Variants in GPC5 observed in about 807,000 individuals in gnomAD.
GPC5 encodes glypican 5.
GPC5 carries 47 observed loss-of-function variants against 53.9 expected under a neutral mutation model. That is an observed-to-expected ratio of 0.87 (90% confidence interval 0.69 to 1.11). GPC5 has a LOEUF of 1.11. GPC5 is among the 50% of genes most tolerant of loss of function. The pLI is 0.00. For synonymous variants in GPC5, 286 were observed against 263.3 expected, an observed-to-expected ratio of 1.09 and a Z score of -0.84; for missense variants, 748 against 713.1, an observed-to-expected ratio of 1.05 and a Z score of -0.56.
intron 7 of GPC5, among the ~76,000 whole-genome samples, chr13:92,578,439 G>A (rs1210216715): frequency 6.6e-6 from 1 of 152,040 alleles, no homozygotes; most frequent in Non-Finnish European, 1.5e-5. Flanking sequence ...AATACATGGG[G>A]AGATACCTTA....
chr13:91,618,137 T>G (rs778186844), intron 2 of GPC5, among the ~76,000 whole-genome samples: 1 of 152,034 alleles, frequency 6.6e-6, no homozygotes, highest in African/African-American at 2.4e-5. Flanking sequence ...GACACAGACA[T>G]TAGAAGGGTG....
intron 2 of GPC5, among the ~76,000 whole-genome samples, chr13:91,449,452 C>G (rs2139098680): frequency 6.6e-6 from 1 of 152,086 alleles, no homozygotes; most frequent in African/African-American, 2.4e-5. Context: ...ACCCATCAGC[C>G]CGTCATCTAG....
intron 7 of GPC5, among the ~76,000 whole-genome samples, chr13:92,381,897 AATCAT>A (rs2043747912): frequency 2.0e-5 from 2 of 101,336 alleles, no homozygotes; most frequent in African/African-American, 7.4e-5. Flanking sequence ...TATTATATAT[AATCAT>A]ATATATGATA....
chr13:92,044,094 T>A (rs1181252916), intron 6 of GPC5, among the ~76,000 whole-genome samples: 1 of 152,090 alleles, frequency 6.6e-6, no homozygotes, highest in African/African-American at 2.4e-5. Flanking sequence ...TCTCATAAGC[T>A]CCCCAGGTCC....
intron 7 of GPC5, among the ~76,000 whole-genome samples, chr13:92,852,547 T>A (rs1373284940): frequency 1.3e-5 from 2 of 152,186 alleles, no homozygotes; most frequent in African/African-American, 2.4e-5. Context: ...AAGTGACACA[T>A]GTTCCTTCCA....
chr13:92,393,048 G>A lies in GPC5; in HGVS notation c.1561+248059G>A, dbSNP rs565087875. Among the ~76,000 whole-genome samples, 7 of 152,238 alleles carry A rather than the reference G, an allele frequency of 4.6e-5. No individual in the cohort carries two copies. In the South Asian group the frequency reaches 1.5e-3, roughly 32 times the overall value. On this transcript the variant is annotated intron_variant, in intron 7 of 7. Coordinates refer to ENST00000377067, the MANE Select transcript of GPC5 (RefSeq NM_004466.6). ...ATTTAACCCAGCAATCCTGTTACTG[G>A]GCAGATTCCCAGAGGAATATAAATC... is the stretch of plus-strand genomic sequence containing the variant.
At position 92,499,501 on chromosome 13, in the gene GPC5, G is replaced by A. The variant is rs150031990; in HGVS notation, c.1561+354512G>A. Among the ~76,000 whole-genome samples, 27 of 152,204 alleles carry A rather than the reference G, an allele frequency of 1.8e-4. 1 individual carries two copies. In the East Asian group the frequency reaches 3.3e-3, roughly 19 times the overall value. On this transcript the variant is annotated intron_variant, in intron 7 of 7. Coordinates refer to ENST00000377067, the MANE Select transcript of GPC5 (RefSeq NM_004466.6). The stretch of plus-strand genomic sequence containing the variant: ...TTTTCATAATGTGATTGACAACACC[G>A]AATATCTAGCCAAAGTAGTAGCATA...
chr13:91,975,303 C>T (rs1271864620), intron 6 of GPC5, among the ~76,000 whole-genome samples: 1 of 152,102 alleles, frequency 6.6e-6, no homozygotes, highest in Non-Finnish European at 1.5e-5. Context: ...TTCTGCACAG[C>T]AAAAGAAACT....
At chr13:91,584,077 T>C (rs1360175986) in intron 2 of GPC5, among the ~76,000 whole-genome samples, 1 of 152,068 alleles carries the variant, frequency 6.6e-6, no homozygotes, top group African/African-American at 2.4e-5. Flanking sequence ...TTGGGACACA[T>C]GCACAGAGGG....
At position 91,693,864 on chromosome 13, in the gene GPC5, C is replaced by A; in HGVS notation, c.1003C>A (p.Gln335Lys). ...DAVLQAHLNG[Q>K]KLLEQVNRIC... ...TGTGTTACAGGCTCACCTCAATGGA[C>A]AAAAATTATTGGAACAGGTAAGTAG... The change falls in exon 3 of 8, where the codon CAA becomes AAA. Residue 335 changes from glutamine to lysine, a missense_variant. Physicochemically the swap from Gln to Lys is moderately conservative, Grantham distance 53. Transcript: ENST00000377067. 1.9e-6 allele frequency: 3 copies of A among 1,593,480 alleles called. No individual in the cohort carries two copies. The highest frequency in any genetic ancestry group is 2.6e-6 in the Non-Finnish European group (3 of 1,169,538).
intron 7 of GPC5, among the ~76,000 whole-genome samples, chr13:92,379,865 A>G (rs2043725274): frequency 6.6e-6 from 1 of 152,128 alleles, no homozygotes; most frequent in Non-Finnish European, 1.5e-5. Flanking sequence ...GCTTCTTGTC[A>G]TTCAGCTAGT....
chr13:91,515,904 CT>C (rs1373384406), intron 2 of GPC5, among the ~76,000 whole-genome samples: 5 of 152,182 alleles, frequency 3.3e-5, no homozygotes, highest in Non-Finnish European at 7.3e-5. Context: ...GTGAAAGGCA[CT>C]TCTTCATGGC....
At chr13:92,042,374 C>G (rs992513987) in intron 6 of GPC5, among the ~76,000 whole-genome samples, 4 of 151,996 alleles carry the variant, frequency 2.6e-5, no homozygotes, top group African/African-American at 9.7e-5. Context: ...TACATCCAAC[C>G]GCAAAGGATA....
intron 7 of GPC5, among the ~76,000 whole-genome samples, chr13:92,685,435 T>C (rs1354107793): frequency 6.6e-6 from 1 of 152,080 alleles, no homozygotes; most frequent in East Asian, 1.9e-4. Flanking sequence ...CTTCACCTGT[T>C]ACCACATTTT....
At chr13:92,729,121 C>T (rs911209106) in intron 7 of GPC5, among the ~76,000 whole-genome samples, 1 of 151,246 alleles carries the variant, frequency 6.6e-6, no homozygotes, top group African/African-American at 2.4e-5. Context: ...ACTTGGACTG[C>T]CCTTCTCCCC....
chr13:92,139,182 A>AAAAATAATT (rs1465231794), intron 6 of GPC5, among the ~76,000 whole-genome samples: 1 of 152,202 alleles, frequency 6.6e-6, no homozygotes, highest in Non-Finnish European at 1.5e-5. Flanking sequence ...TGGCGATAAG[A>AAAAATAATT]AAAATAATTA....
intron 7 of GPC5, among the ~76,000 whole-genome samples, chr13:92,727,188 GCTATAT>G (rs1888671891): frequency 6.6e-6 from 1 of 151,448 alleles, no homozygotes; most frequent in East Asian, 1.9e-4. Context: ...AGCTCGGGGT[GCTATAT>G]CCATGGTCTT....
chr13:91,821,608 C>T (rs2038496742), intron 5 of GPC5, among the ~76,000 whole-genome samples: 1 of 152,000 alleles, frequency 6.6e-6, no homozygotes, highest in African/African-American at 2.4e-5. Context: ...AAGAGGGTTT[C>T]CCTCTATTTT....
At chr13:92,054,423 C>T (rs1328800017) in intron 6 of GPC5, among the ~76,000 whole-genome samples, 2 of 152,084 alleles carry the variant, frequency 1.3e-5, no homozygotes, top group African/African-American at 4.8e-5. Context: ...ATTTATTGAT[C>T]ATTTACTGTG....
Sources: gnomAD v4.1 joint callset for allele counts (sites outside exome capture counted in the v4.1 genomes callset) on GRCh38, gnomAD v4.1.1 for gene constraint, MANE v1.5 for transcripts, NCBI Gene and HGNC (gene_info 2026-07-23, HGNC 2026-07-21) for gene names.